The following PTPRM variants were observed in gnomAD, a reference collection of about 807,000 sequenced individuals.
PTPRM encodes receptor-type tyrosine-protein phosphatase mu.
Under a neutral mutation model 186.7 loss-of-function variants are expected in PTPRM, and 47 were observed. The observed-to-expected ratio is 0.25, with a 90% CI of 0.20 to 0.32. The LOEUF is 0.32. Among genes scored for constraint, PTPRM ranks in the 10% least tolerant of loss-of-function variants. The pLI, the probability that PTPRM is intolerant of heterozygous loss-of-function variation, is 1.00. For missense variants in PTPRM, 1,494 were observed against 1,865.0 expected (o/e 0.80, Z 3.66); for synonymous variants, 668 against 674.9 (o/e 0.99, Z 0.16).
At chr18:7,978,779 G>T (rs2055130266) in intron 7 of PTPRM, among the ~76,000 whole-genome samples, 1 of 152,050 alleles carries the variant, frequency 6.6e-6, no homozygotes, top group Admixed American at 6.6e-5. Flanking sequence ...TAATATTAAG[G>T]TTAGGATATG....
intron 7 of PTPRM, among the ~76,000 whole-genome samples, chr18:8,053,846 T>A (rs1333178629): frequency 6.6e-6 from 1 of 152,102 alleles, no homozygotes; most frequent in Non-Finnish European, 1.5e-5. Context: ...GATTTTTATC[T>A]GTTATTGGTG....
In PTPRM at chr18:8,259,678, C is replaced by A. The variant is rs1337944215; in HGVS notation, c.2754+6264C>A. On this transcript the variant is annotated intron_variant, in intron 19 of 32. Coordinates refer to ENST00000580170, the MANE Select transcript of PTPRM (RefSeq NM_001105244.2). ...TTTTTTTTTGTGACTTAGTCTCACT[C>A]TGTGGCCCACCCAGGCTGGAGTGCA... Among the ~76,000 whole-genome samples the A allele has an allele frequency of 2.6e-5, 4 of 151,924 alleles. No individual in the cohort carries two copies. The South Asian group carries it at 8.3e-4, about 32-fold the overall frequency.
intron 19 of PTPRM, among the ~76,000 whole-genome samples, chr18:8,267,817 CTT>C (rs2094720263): frequency 1.3e-5 from 2 of 151,984 alleles, no homozygotes; most frequent in Middle Eastern, 6.8e-3. Flanking sequence ...TTTAAAAGAT[CTT>C]TGCCAATTTG....
At chr18:7,890,060 T>C (rs944131193) in intron 3 of PTPRM, among the ~76,000 whole-genome samples, 13 of 152,234 alleles carry the variant, frequency 8.5e-5, no homozygotes, top group Non-Finnish European at 1.5e-4. Flanking sequence ...AGTGGGAAAT[T>C]AGTGACAATG....
At chr18:7,776,936 C>T (rs771583250) in intron 2 of PTPRM, among the ~76,000 whole-genome samples, 2 of 151,936 alleles carry the variant, frequency 1.3e-5, no homozygotes, top group Non-Finnish European at 2.9e-5. Flanking sequence ...TATATACAGC[C>T]ATAAGTTTTA....
At chr18:7,752,443 C>T (rs979338609) in intron 1 of PTPRM, among the ~76,000 whole-genome samples, 7 of 151,950 alleles carry the variant, frequency 4.6e-5, no homozygotes, top group South Asian at 4.2e-4. Context: ...TTTTTTAAGA[C>T]GGAGTCTCTT....
At chr18:8,045,629 G>A (rs555070866) in intron 7 of PTPRM, among the ~76,000 whole-genome samples, 1 of 152,280 alleles carries the variant, frequency 6.6e-6, no homozygotes, top group Admixed American at 6.5e-5. Flanking sequence ...ATCTGTAGAG[G>A]TGGGAGGTAG....
chr18:7,834,528 A>ACACACACACACACACACACACG (rs763752808), intron 2 of PTPRM, among the ~76,000 whole-genome samples: 1 of 146,152 alleles, frequency 6.8e-6, no homozygotes, highest in East Asian at 2.0e-4. Flanking sequence ...ACACACACAC[A>ACACACACACACACACACACACG]CTTCCAGACT....
At chr18:8,044,328 C>T (rs968355917) in intron 7 of PTPRM, among the ~76,000 whole-genome samples, 4 of 152,096 alleles carry the variant, frequency 2.6e-5, no homozygotes, top group Non-Finnish European at 4.4e-5. Context: ...GCATTGTCCA[C>T]GGGACACAAA....
intron 1 of PTPRM, among the ~76,000 whole-genome samples, chr18:7,628,844 T>C (rs969606579): frequency 2.0e-5 from 3 of 152,212 alleles, no homozygotes; most frequent in Admixed American, 1.3e-4. Flanking sequence ...CCGTGCATGC[T>C]TGAGCAATTT....
At chr18:8,146,476 C>G (rs1443756625) in intron 14 of PTPRM, among the ~76,000 whole-genome samples, 1 of 146,114 alleles carries the variant, frequency 6.8e-6, no homozygotes, top group Non-Finnish European at 1.5e-5. Flanking sequence ...CTGTTCATAT[C>G]CTTTGCCCAC....
intron 7 of PTPRM, among the ~76,000 whole-genome samples, chr18:7,996,584 A>G (rs2083551708): frequency 6.6e-6 from 1 of 152,182 alleles, no homozygotes; most frequent in African/African-American, 2.4e-5. Flanking sequence ...CAAATTGGAA[A>G]GGAAGAAGTC....
At chr18:7,990,585 G>C (rs2083213690) in intron 7 of PTPRM, among the ~76,000 whole-genome samples, 1 of 152,130 alleles carries the variant, frequency 6.6e-6, no homozygotes, top group African/African-American at 2.4e-5. Flanking sequence ...TTATTTTTAT[G>C]ATTCAGGAGT....
At chr18:8,247,523 G>A (rs1371840457) in intron 15 of PTPRM, among the ~76,000 whole-genome samples, 2 of 152,218 alleles carry the variant, frequency 1.3e-5, no homozygotes, top group African/African-American at 4.8e-5. Flanking sequence ...CTTGGCCTGA[G>A]AGCAGATTTC....
intron 7 of PTPRM, among the ~76,000 whole-genome samples, chr18:8,038,533 A>G (rs1395979327): frequency 6.6e-6 from 1 of 152,112 alleles, no homozygotes; most frequent in Non-Finnish European, 1.5e-5. Flanking sequence ...CTGGAATTAC[A>G]AGCGTGTACC....
intron 26 of PTPRM, 123 bp from the exon 27 acceptor site, chr18:8,378,142 G>A: frequency 1.0e-6 from 1 of 996,610 alleles, no homozygotes; most frequent in Non-Finnish European, 1.5e-6. Context: ...TGAGCCCTTG[G>A]ACCGTGTTTC....
At chr18:8,296,478 T>C (rs1379280608) in intron 20 of PTPRM, 23 bp downstream of exon 20, 2 of 1,544,844 alleles carry the variant, frequency 1.3e-6, no homozygotes, top group Non-Finnish European at 1.8e-6. Flanking sequence ...AGTGTCATTG[T>C]GCTGTTGTAG....
At chr18:8,218,868 C>A (rs1248382884) in intron 14 of PTPRM, among the ~76,000 whole-genome samples, 1 of 152,130 alleles carries the variant, frequency 6.6e-6, no homozygotes, top group Non-Finnish European at 1.5e-5. Context: ...AGAACATGTT[C>A]TTGGGAAAAG....
Position 8,335,066 on chromosome 18 carries a change from C to A in PTPRM, c.2957-8357C>A, listed in dbSNP as rs565293103. Among the ~76,000 whole-genome samples the A allele has an allele frequency of 7.2e-5, 11 of 152,322 alleles. No homozygotes were observed. The East Asian group carries it at 1.9e-3, about 27-fold the overall frequency. ...CCGAGCTTTGATTCTAAAACCGGAA[C>A]TTTCCTTAGTCATGTTTTTTAGTAT... is the stretch of plus-strand genomic sequence containing the variant. On this transcript the variant is annotated intron_variant, in intron 22 of 32. Transcript: ENST00000580170.
Sources: allele counts gnomAD v4.1 joint callset (sites outside exome capture counted in the v4.1 genomes callset), GRCh38; gene constraint gnomAD v4.1.1; transcripts MANE v1.5; gene names NCBI Gene and HGNC (gene_info 2026-07-23, HGNC 2026-07-21).